SLC46A2: variants seen among roughly 807,000 people sequenced by gnomAD.
The protein encoded by SLC46A2 is solute carrier family 46 member 2.
Under a neutral mutation model 33.1 loss-of-function variants are expected in SLC46A2, and 25 were observed. That is an observed-to-expected ratio of 0.76 (90% CI 0.55 to 1.06). The LOEUF (loss-of-function observed/expected upper bound fraction) is 1.06, where lower values mean the gene tolerates loss of function less well. Ranked by LOEUF, SLC46A2 falls within the 50% of genes least tolerant of loss-of-function variation. The pLI is 0.00. For synonymous variants in SLC46A2, 254 were observed against 275.9 expected (o/e 0.92, Z 0.79); for missense variants, 622 against 621.7 (o/e 1.00, Z 0.00).
In SLC46A2 at chr9:112,879,096, A is replaced by C. The variant is rs1841547882; in HGVS notation, c.*666T>G. 1 of 152,236 alleles carries C rather than the reference A, an allele frequency of 6.6e-6. No homozygotes were observed. Among genetic ancestry groups the C allele is most frequent in the Non-Finnish European group, 1.5e-5 (1 of 68,046 alleles). 9.4% of individuals were successfully genotyped at this position (152,236 alleles called of 1,614,324 possible). ...CTCAATTGAACATCCCATTGAAGAA[A>C]GCCTTGTGACATTTGCTTCTTAAAA... On this transcript the variant is annotated 3_prime_UTR_variant, in exon 4 of 4. Transcript: ENST00000374228.
At chr9:112,888,816 A>C (rs920340534) in intron 1 of SLC46A2, among the ~76,000 whole-genome samples, 1 of 151,962 alleles carries the variant, frequency 6.6e-6, no homozygotes, top group Non-Finnish European at 1.5e-5. Flanking sequence ...CTTGACTCCA[A>C]ATGATTTTAA....
intron 1 of SLC46A2, among the ~76,000 whole-genome samples, chr9:112,888,270 T>TC (rs1841671350): frequency 1.3e-5 from 2 of 151,534 alleles, no homozygotes; most frequent in African/African-American, 4.8e-5. Flanking sequence ...AGAGTGAAAC[T>TC]CCATCTCAAA....
In SLC46A2 at chr9:112,885,777, CT is replaced by C. The variant is rs1307424237; in HGVS notation, c.1370+682del. 7 of 152,162 alleles carry C rather than the reference CT, an allele frequency of 4.6e-5. No homozygotes were observed. In the South Asian group the frequency reaches 1.5e-3, roughly 32 times the overall value. The allele number at this position is 152,162 out of a possible 1,614,324, so 9.4% of individuals were successfully genotyped here. On this transcript the variant is annotated intron_variant, in intron 3 of 3. Coordinates refer to ENST00000374228, the MANE Select transcript of SLC46A2 (RefSeq NM_033051.4). ...AATTAATTTCACCTGTCACTTTTCTCTTTTTAAAATGTGGCTACTAGAAAAT... is the reference window on the plus strand; with the variant it reads ...AATTAATTTCACCTGTCACTTTTCTCTTTTAAAATGTGGCTACTAGAAAAT...
Position 112,879,522 on chromosome 9 carries a change from C to A in SLC46A2, c.*240G>T, listed in dbSNP as rs931254734. On this transcript the variant is annotated 3_prime_UTR_variant, in exon 4 of 4. Transcript: ENST00000374228. ...AGGTCATGCTCTGCTGTCACAGAACCCAGTGTCTGCCTAATGGGGGTGTCT... is the reference window on the plus strand; with the variant it reads ...AGGTCATGCTCTGCTGTCACAGAACACAGTGTCTGCCTAATGGGGGTGTCT... 2.1e-6 allele frequency: 1 copy of A among 487,006 alleles called. No individual in the cohort carries two copies. The highest frequency in any genetic ancestry group is 1.9e-5 in the African/African-American group (1 of 51,990). The allele number at this position is 487,006 out of a possible 1,614,324, so 30.2% of individuals were successfully genotyped here. A position where few individuals can be genotyped will look rare whatever the true frequency, so the allele number is the denominator to read the frequency against.
chr9:112,886,403 T>G (rs1841642404), intron 3 of SLC46A2, 57 bp downstream of exon 3: 1 of 1,588,616 alleles, frequency 6.3e-7, no homozygotes, highest in South Asian at 1.1e-5. Context: ...GGTCCAACAT[T>G]CCTTGACCTA....
At chr9:112,880,748 C>T (rs1048121870) in intron 3 of SLC46A2, among the ~76,000 whole-genome samples, 1 of 152,118 alleles carries the variant, frequency 6.6e-6, no homozygotes, top group Non-Finnish European at 1.5e-5. Flanking sequence ...GTGCCTTTTC[C>T]TCTCCATCCA....
At position 112,890,783 on chromosome 9, in the gene SLC46A2, C is replaced by A. The variant is rs1466908524; in HGVS notation, c.-102G>T. 2.4e-6 allele frequency: 2 copies of A among 844,312 alleles called. No homozygotes were observed. Among genetic ancestry groups the A allele is most frequent in the Admixed American group, 7.7e-5 (2 of 26,014 alleles). The allele number at this position is 844,312 out of a possible 1,614,324, so 52.3% of individuals were successfully genotyped here. ...CTGCTCAGGTTTCAGTCCCGGAGCG[C>A]GAGTGTGCTCCGTGCGCCGGGAGCG... is the stretch of plus-strand genomic sequence containing the variant. On this transcript the variant is annotated 5_prime_UTR_variant, in exon 1 of 4. Transcript: ENST00000374228. This position sits in a 1 kb window ranked among gnomAD's most constrained non-coding sequence, Gnocchi z 6.0.
intron 3 of SLC46A2, among the ~76,000 whole-genome samples, chr9:112,880,910 A>G (rs538132283): frequency 6.6e-6 from 1 of 152,140 alleles, no homozygotes. Context: ...GAACTTCTCC[A>G]TTTCCCATAA....
rs1827219853 is a variant in SLC46A2, at chr9:112,890,763, C to T, written c.-82G>A. 1.4e-6 allele frequency: 2 copies of T among 1,459,666 alleles called. No individual in the cohort carries two copies. Among genetic ancestry groups the T allele is most frequent in the Non-Finnish European group, 1.8e-6 (2 of 1,097,214 alleles). The allele number at this position is 1,459,666 out of a possible 1,614,324, so 90.4% of individuals were successfully genotyped here. On this transcript the variant is annotated 5_prime_UTR_variant, in exon 1 of 4. Coordinates refer to ENST00000374228, the MANE Select transcript of SLC46A2 (RefSeq NM_033051.4). This position sits in a 1 kb window ranked among gnomAD's most constrained non-coding sequence, Gnocchi z 6.0. ...CCCAAATTCGGCTGCTACGGCTGCT[C>T]AGGTTTCAGTCCCGGAGCGCGAGTG...
At chr9:112,885,233 G>T (rs1005432819) in intron 3 of SLC46A2, 1 of 152,042 alleles carries the variant, frequency 6.6e-6, no homozygotes, top group Non-Finnish European at 1.5e-5. Flanking sequence ...GCCGAGATTT[G>T]TAATATGATG....
At chr9:112,882,446 T>G (rs564466187) in intron 3 of SLC46A2, among the ~76,000 whole-genome samples, 1 of 152,262 alleles carries the variant, frequency 6.6e-6, no homozygotes, top group African/African-American at 2.4e-5. Context: ...GAAAGCCAAG[T>G]GCAGGGCTTT....
Position 112,879,841 on chromosome 9 carries a change from A to G in SLC46A2, c.1371-22T>C, listed in dbSNP as rs1490753002. 3.7e-6 allele frequency: 6 copies of G among 1,605,548 alleles called. No homozygotes were observed. In the Admixed American group the frequency reaches 1.0e-4, roughly 27 times the overall value. On this transcript the variant is annotated intron_variant, in intron 3 of 3. Transcript: ENST00000374228. Reference sequence around the variant, plus strand: ...GATGCTGTAAGAATTGACCATAGAGAGTTACAAGAGAACAGCTGGAATGGG... The same window carrying G: ...GATGCTGTAAGAATTGACCATAGAGGGTTACAAGAGAACAGCTGGAATGGG...
At chr9:112,883,949 C>A (rs1841614314) in intron 3 of SLC46A2, among the ~76,000 whole-genome samples, 1 of 152,172 alleles carries the variant, frequency 6.6e-6, no homozygotes, top group Non-Finnish European at 1.5e-5. Flanking sequence ...TCCGCCTTGG[C>A]CTCCCAAAGT....
chr9:112,879,783 A>C lies in SLC46A2; in HGVS notation c.1407T>G (p.Tyr469Ter). ...VAYKQVPLSPYGDIIEK is the reference protein window; with the variant it reads ...VAYKQVPLSP ...ATCTTCATTTCTCTATGATGTCTCC[A>C]TATGGTGACAATGGGACTTGTTTAT... The change falls in exon 4 of 4, where the codon TAT (tyrosine) becomes TAG (stop). Residue 469 changes from tyrosine to a stop codon, truncating the protein, a stop_gained. Transcript: ENST00000374228. LOFTEE classifies it high-confidence loss of function. 3.1e-6 allele frequency: 5 copies of C among 1,613,264 alleles called. No homozygotes were observed. The highest frequency in any genetic ancestry group is 3.4e-6 in the Non-Finnish European group (4 of 1,179,334).
chr9:112,889,958 C>G lies in SLC46A2; in HGVS notation c.724G>C (p.Ala242Pro). Reference protein sequence around the residue: ...SVAKPSQELPAVDTVSGTVGT... With the variant: ...SVAKPSQELPPVDTVSGTVGT... ...ACCGTGCCAGACACGGTATCCACGG[C>G]GGGGAGCTCCTGGCTGGGTTTGGCC... Residue 242 changes from alanine to proline, a missense_variant, in exon 1 of 4, where the codon GCC becomes CCC. Physicochemically the swap from Ala to Pro is conservative, Grantham distance 27 (BLOSUM62 -1). Coordinates refer to ENST00000374228, the MANE Select transcript of SLC46A2 (RefSeq NM_033051.4). 6.2e-7 allele frequency: 1 copy of G among 1,614,126 alleles called. No individual in the cohort carries two copies. The highest frequency in any genetic ancestry group is 8.5e-7 in the Non-Finnish European group (1 of 1,179,980).
chr9:112,883,361 G>A (rs1841605263), intron 3 of SLC46A2, among the ~76,000 whole-genome samples: 1 of 152,160 alleles, frequency 6.6e-6, no homozygotes, highest in Admixed American at 6.5e-5. Context: ...AATGCATGTA[G>A]TGGATGGGAA....
At position 112,886,634 on chromosome 9, in the gene SLC46A2, G is replaced by A. The variant is rs950720684; in HGVS notation, c.1214-18C>T. The A allele has an allele frequency of 3.1e-6, 5 of 1,613,334 alleles. No homozygotes were observed. In the African/African-American group the frequency reaches 5.3e-5, roughly 17 times the overall value. On this transcript the variant is annotated intron_variant, in intron 2 of 3. Transcript: ENST00000374228. Reference sequence around the variant, plus strand: ...CACCTTTCCTGTGGAAGGGACAGAGGTTACTCCGGAGTGCCTTGCTGTCCC... The same window carrying A: ...CACCTTTCCTGTGGAAGGGACAGAGATTACTCCGGAGTGCCTTGCTGTCCC...
At chr9:112,887,946 T>TGTGTGA (rs1554760068) in intron 1 of SLC46A2, among the ~76,000 whole-genome samples, 3,685 of 139,306 alleles carry the variant, frequency 0.026, 107 homozygotes, top group African/African-American at 0.074. Flanking sequence ...TGTGTGTGTG[T>TGTGTGA]GAGAGAGAGA....
In SLC46A2 at chr9:112,890,686, C is replaced by G; in HGVS notation, c.-5G>C. ...GCAGGTGACCTCGGGGCTCATGTGACCTCTCTGATGGGGATCGAAGGGCTT... is the reference window on the plus strand; with the variant it reads ...GCAGGTGACCTCGGGGCTCATGTGAGCTCTCTGATGGGGATCGAAGGGCTT... On this transcript the variant is annotated 5_prime_UTR_variant, in exon 1 of 4. Coordinates refer to ENST00000374228, the MANE Select transcript of SLC46A2 (RefSeq NM_033051.4). The surrounding 1 kb of genome is among the most constrained non-coding windows in gnomAD (Gnocchi z 6.0). The G allele has an allele frequency of 6.3e-7, 1 of 1,593,380 alleles. No individual in the cohort carries two copies. The highest frequency in any genetic ancestry group is 8.5e-7 in the Non-Finnish European group (1 of 1,177,536).
Sources: allele counts gnomAD v4.1 joint callset (sites outside exome capture counted in the v4.1 genomes callset), GRCh38; gene constraint gnomAD v4.1.1; non-coding constraint Gnocchi (gnomAD v3.1); transcripts MANE v1.5; gene names NCBI Gene and HGNC (gene_info 2026-07-23, HGNC 2026-07-21).